RELN: variants seen among roughly 807,000 people sequenced by gnomAD.
The protein encoded by RELN is reelin.
In RELN, 108 loss-of-function variants were observed where a neutral mutation model predicts 427.6. The ratio of observed to expected loss-of-function variants is 0.25; its 90% CI spans 0.22 to 0.30. RELN has a LOEUF of 0.30. RELN is among the 10% of genes least tolerant of loss of function. RELN has a pLI of 1.00. For synonymous variants in RELN, 1,524 were observed against 1,513.4 expected (o/e 1.01, Z -0.16); for missense variants, 3,715 against 4,302.8 (o/e 0.86, Z 3.82).
intron 1 of RELN, among the ~76,000 whole-genome samples, chr7:103,976,888 T>TA (rs1250347263): frequency 6.6e-6 from 1 of 151,902 alleles, no homozygotes; most frequent in East Asian, 1.9e-4. Context: ...CCTATCTCTA[T>TA]AAAAAATACA....
At chr7:103,774,987 T>C (rs1791702492) in intron 4 of RELN, among the ~76,000 whole-genome samples, 1 of 152,202 alleles carries the variant, frequency 6.6e-6, no homozygotes, top group Non-Finnish European at 1.5e-5. Flanking sequence ...CATTGGTTTT[T>C]CTTGGCTTTT....
At position 103,486,367 on chromosome 7, in the gene RELN, A is replaced by G. The variant is rs780599729; in HGVS notation, c.9813T>C (p.Asp3271=). ...FSHDLPSYIK[D]NFESARVTEA... ...CGGTGACTCTTGCGGACTCAAAATT[A>G]TCTTTAATATAACTGGGAAGGTCGT... Residue 3271 remains aspartate, a synonymous_variant, in exon 61 of 65, where the codon GAT becomes GAC. Transcript: ENST00000428762. 3.1e-6 allele frequency: 5 copies of G among 1,614,080 alleles called. No individual in the cohort carries two copies. Among genetic ancestry groups the G allele is most frequent in the Admixed American group, 3.3e-5 (2 of 60,004 alleles).
chr7:103,958,933 A>G (rs560652225), intron 1 of RELN, among the ~76,000 whole-genome samples: 1 of 152,286 alleles, frequency 6.6e-6, no homozygotes, highest in South Asian at 2.1e-4. Flanking sequence ...CAGTAACACA[A>G]ACCTCCAAAC....
chr7:103,681,603 C>T (rs1231724942), intron 11 of RELN, among the ~76,000 whole-genome samples: 2 of 152,128 alleles, frequency 1.3e-5, no homozygotes, highest in African/African-American at 4.8e-5. Flanking sequence ...ACACTACCAT[C>T]AAACAATGCT....
chr7:103,630,038 G>A lies in RELN; in HGVS notation c.2604C>T (p.Ser868=). 6.2e-7 allele frequency: 1 copy of A among 1,613,558 alleles called. No individual in the cohort carries two copies. Among genetic ancestry groups the A allele is most frequent in the East Asian group, 2.2e-5 (1 of 44,838 alleles). The change falls in exon 20 of 65, where the codon AGC becomes AGT. Residue 868 remains serine, a synonymous_variant. Transcript: ENST00000428762. ...CAAGATTGGTAAAGTCAAGACTAAT[G>A]CTGTTGAAAAGCACAGATGTCATGA... ...EIIMTSVLFN[S]ISLDFTNLVE...
At chr7:103,672,784 TATC>T (rs1833422397) in intron 11 of RELN, among the ~76,000 whole-genome samples, 2 of 152,162 alleles carry the variant, frequency 1.3e-5, no homozygotes, top group Non-Finnish European at 2.9e-5. Flanking sequence ...ACTTTGGCCA[TATC>T]ATATTACTGA....
rs1032394791 is a variant in RELN at position 103,831,188 on chromosome 7, A to G, written c.473+2349T>C. Among the ~76,000 whole-genome samples the G allele has an allele frequency of 3.9e-4, 59 of 152,116 alleles. 1 individual carries two copies. Among genetic ancestry groups the G allele is most frequent in the African/African-American group, 1.3e-3 (54 of 41,448 alleles). On this transcript the variant is annotated intron_variant, in intron 3 of 64. Coordinates refer to ENST00000428762, the MANE Select transcript of RELN (RefSeq NM_005045.4). Reference sequence around the variant, plus strand: ...GATATACTTTGTGTTTTGTCTTTCAAAAAAGCAACTTTTGTTTTAAATTAA... The same window carrying G: ...GATATACTTTGTGTTTTGTCTTTCAGAAAAGCAACTTTTGTTTTAAATTAA...
At chr7:103,874,730 A>G (rs1261982881) in intron 2 of RELN, among the ~76,000 whole-genome samples, 2 of 150,790 alleles carry the variant, frequency 1.3e-5, no homozygotes, top group Non-Finnish European at 3.0e-5. Context: ...ATAGAAGAAC[A>G]TTCCATGTTC....
chr7:103,721,894 AT>A (rs1216575177), intron 8 of RELN, among the ~76,000 whole-genome samples: 1 of 152,188 alleles, frequency 6.6e-6, no homozygotes, highest in South Asian at 2.1e-4. Flanking sequence ...AGTTAAAAAA[AT>A]TTGTTTTTGT....
At chr7:103,550,970 T>C (rs1584286542) in intron 41 of RELN, 97 bp downstream of exon 41, 1 of 974,038 alleles carries the variant, frequency 1.0e-6, no homozygotes, top group Non-Finnish European at 1.6e-6. Context: ...AAACGTCAGG[T>C]GGAAATTTCC....
intron 19 of RELN, among the ~76,000 whole-genome samples, chr7:103,635,110 C>T (rs576318528): frequency 1.8e-4 from 27 of 152,248 alleles, no homozygotes; most frequent in African/African-American, 2.4e-4. Flanking sequence ...CTGCCTGCCT[C>T]GGCCTCCCAA....
chr7:103,927,376 C>T (rs1004182514), intron 1 of RELN, among the ~76,000 whole-genome samples: 2 of 152,056 alleles, frequency 1.3e-5, no homozygotes, highest in African/African-American at 2.4e-5. Flanking sequence ...TTGCTGACAT[C>T]GAAATTCACA....
At chr7:103,863,819 A>AAT (rs1794128963) in intron 2 of RELN, among the ~76,000 whole-genome samples, 1 of 147,912 alleles carries the variant, frequency 6.8e-6, no homozygotes, top group African/African-American at 2.5e-5. Flanking sequence ...TTTGCAATCA[A>AAT]TTTTTTTTTT....
At chr7:103,600,062 A>C (rs557834040) in intron 24 of RELN, among the ~76,000 whole-genome samples, 1 of 151,724 alleles carries the variant, frequency 6.6e-6, no homozygotes, top group Non-Finnish European at 1.5e-5. Context: ...ATGCCCAGCT[A>C]ATTTTATTTT....
At chr7:103,482,715 T>G in intron 63 of RELN, 158 bp downstream of exon 63, 18 of 937,544 alleles carry the variant, frequency 1.9e-5, no homozygotes, top group Non-Finnish European at 1.9e-5. Context: ...ACTGATGATT[T>G]GAGCTATAGC....
Position 103,574,287 on chromosome 7 carries a change from G to T in RELN, c.4316C>A (p.Thr1439Asn), listed in dbSNP as rs1189203024. The change falls in exon 30 of 65, where the codon ACC becomes AAC. Residue 1439 changes from threonine (T) to asparagine (N), a missense_variant. Physicochemically the swap from Thr to Asn is moderately conservative, Grantham distance 65. Around this residue, in one of 4 missense-constraint regions of RELN, gnomAD observed 2,208 missense variants for 2,361.7 expected, o/e 0.93. Transcript: ENST00000428762. ...GTGATTGGGGACATTTGACACACAG[G>T]TTCCTTGTGCAGCTTCAGAAAAAGA... ...CDLGYTAAQG[T>N]CVSNVPNHNE... is the part of the protein sequence containing the mutation. The T allele has an allele frequency of 1.9e-6, 3 of 1,613,866 alleles. No individual in the cohort carries two copies. The highest frequency in any genetic ancestry group is 1.1e-5 in the South Asian group (1 of 91,080).
At chr7:103,712,866 G>C (rs545019869) in intron 8 of RELN, among the ~76,000 whole-genome samples, 173 of 152,058 alleles carry the variant, frequency 1.1e-3, no homozygotes, top group Non-Finnish European at 2.1e-3. Flanking sequence ...CTCAAGTCCT[G>C]GGTAGTTTTG....
chr7:103,590,786 C>T (rs1169122187), intron 27 of RELN, among the ~76,000 whole-genome samples: 2 of 152,128 alleles, frequency 1.3e-5, no homozygotes, highest in African/African-American at 4.8e-5. Context: ...CCTATCATAA[C>T]TGTCCTTTCT....
intron 1 of RELN, among the ~76,000 whole-genome samples, chr7:103,925,416 T>A (rs1167314060): frequency 1.3e-5 from 2 of 152,178 alleles, no homozygotes; most frequent in African/African-American, 4.8e-5. Context: ...TTTTTCTTTA[T>A]AAATGACACT....
Sources: allele counts gnomAD v4.1 joint callset (sites outside exome capture counted in the v4.1 genomes callset), GRCh38; gene constraint gnomAD v4.1.1; regional missense constraint gnomAD v4.1.1; transcripts MANE v1.5; gene names NCBI Gene and HGNC (gene_info 2026-07-23, HGNC 2026-07-21).